Variants in PLET1 observed in about 807,000 individuals in gnomAD.
The protein encoded by PLET1 is placenta expressed transcript 1, also known as placenta-expressed transcript 1 protein.
In PLET1, 20 loss-of-function variants were observed where a neutral mutation model predicts 18.5. The ratio of observed to expected loss-of-function variants is 1.08; its 90% CI spans 0.76 to 1.57. PLET1 has a LOEUF of 1.57. Among genes scored for constraint, PLET1 ranks in the 40% most tolerant of loss-of-function variants. The pLI is 0.00. For synonymous variants in PLET1, 93 were observed against 93.8 expected, an observed-to-expected ratio of 0.99 and a Z score of 0.05; for missense variants, 256 against 246.4, an observed-to-expected ratio of 1.04 and a Z score of -0.26.
intron 2 of PLET1, 26 bp from the exon 3 acceptor site, chr11:112,252,435 T>G (rs1030967247): frequency 5.7e-5 from 88 of 1,543,926 alleles, no homozygotes; most frequent in African/African-American, 2.1e-4. Context: ...CAATGAGAGA[T>G]AATGCTGAGG....
chr11:112,253,206 G>A (rs568640574), intron 2 of PLET1, among the ~76,000 whole-genome samples: 2 of 152,240 alleles, frequency 1.3e-5, no homozygotes, highest in South Asian at 4.1e-4. Context: ...TTTGATTTGG[G>A]AGTTCAGGGA....
Position 112,254,406 on chromosome 11 carries a change from C to A in PLET1, c.386+982G>T, listed in dbSNP as rs58408817. Among the ~76,000 whole-genome samples, 2 of 148,678 alleles carry A rather than the reference C, an allele frequency of 1.3e-5. 1 individual carries two copies. The highest frequency in any genetic ancestry group is 1.3e-4 in the Admixed American group (2 of 15,018). On this transcript the variant is annotated intron_variant, in intron 2 of 3. Coordinates refer to ENST00000338832, the MANE Select transcript of PLET1 (RefSeq NM_001145024.1). Reference sequence around the variant, plus strand: ...TGGGGTGTGTGTGTGGTACCTCTATCGTGTGTGTATGGTATGTACGTGTGT... The same window carrying A: ...TGGGGTGTGTGTGTGGTACCTCTATAGTGTGTGTATGGTATGTACGTGTGT...
chr11:112,251,494 GAACCCGGGAGGCAGAAGTTGCAGTGA>G (rs1013349568), intron 3 of PLET1, among the ~76,000 whole-genome samples: 4 of 152,204 alleles, frequency 2.6e-5, no homozygotes, highest in Non-Finnish European at 5.9e-5. Context: ...TGAGGCAGGA[GAACCCGGGAGGCAGAAGTTGCAGTGA>G]GCTGAGATCG....
intron 3 of PLET1, among the ~76,000 whole-genome samples, chr11:112,249,256 T>G (rs1428261867): frequency 6.6e-6 from 1 of 152,216 alleles, no homozygotes; most frequent in Non-Finnish European, 1.5e-5. Context: ...CTATTGAATT[T>G]ATACAACTGC....
At chr11:112,255,363 A>T in intron 2 of PLET1, 25 bp downstream of exon 2, 1 of 1,550,772 alleles carries the variant, frequency 6.4e-7, no homozygotes, top group Non-Finnish European at 8.7e-7. Context: ...TTTAAAGCCC[A>T]AAGCAAAGCA....
At position 112,248,832 on chromosome 11, in the gene PLET1, C is replaced by G; in HGVS notation, c.591G>C (p.Leu197=). 1 of 1,551,510 alleles carries G rather than the reference C, an allele frequency of 6.4e-7. No individual in the cohort carries two copies. The highest frequency in any genetic ancestry group is 2.4e-5 in the East Asian group (1 of 40,910). ...GAAGTGTGCTGGTGAGAAAAGCAAGCAGGATATAAATGGCCTCTGTGATGG... is the reference window on the plus strand; with the variant it reads ...GAAGTGTGCTGGTGAGAAAAGCAAGGAGGATATAAATGGCCTCTGTGATGG... ...SSPITEAIYI[L]LAFLTSTLLF Residue 197 remains leucine, a synonymous_variant, in exon 4 of 4, where the codon CTG becomes CTC. Transcript: ENST00000338832.
At position 112,257,621 on chromosome 11, in the gene PLET1, A is replaced by T. The variant is rs575231318; in HGVS notation, c.185-2032T>A. The stretch of plus-strand genomic sequence containing the variant: ...CTTGCCCATAGAAGTTTTTTTTTTT[A>T]AAAAGGCAGATCCTTGCTCAGCACA... On this transcript the variant is annotated intron_variant, in intron 1 of 3. Transcript: ENST00000338832. Among the ~76,000 whole-genome samples the T allele has an allele frequency of 5.2e-3, 785 of 151,392 alleles. 6 individuals are homozygous for T. Among genetic ancestry groups the T allele is most frequent in the African/African-American group, 0.018 (742 of 41,342 alleles).
intron 2 of PLET1, among the ~76,000 whole-genome samples, chr11:112,253,377 C>T (rs1860178970): frequency 6.6e-6 from 1 of 152,108 alleles, no homozygotes; most frequent in African/African-American, 2.4e-5. Flanking sequence ...TTCTGCATTC[C>T]TCATAATATG....
intron 3 of PLET1, among the ~76,000 whole-genome samples, chr11:112,249,524 G>A (rs1860133403): frequency 6.6e-6 from 1 of 152,140 alleles, no homozygotes; most frequent in Non-Finnish European, 1.5e-5. Flanking sequence ...TATATGAAGG[G>A]ACCTGATCAC....
At chr11:112,250,414 C>T (rs74330060) in intron 3 of PLET1, among the ~76,000 whole-genome samples, 4,121 of 152,004 alleles carry the variant, frequency 0.027, 118 homozygotes, top group African/African-American at 0.078. Flanking sequence ...AACAAGGACA[C>T]ACTCCTGTAA....
At chr11:112,257,936 G>C (rs1313802406) in intron 1 of PLET1, among the ~76,000 whole-genome samples, 1 of 152,202 alleles carries the variant, frequency 6.6e-6, no homozygotes, top group Non-Finnish European at 1.5e-5. Flanking sequence ...GTAACCACGG[G>C]TGTGGGATCT....
At chr11:112,254,190 G>GGTTGT (rs1555199635) in intron 2 of PLET1, among the ~76,000 whole-genome samples, 3 of 141,174 alleles carry the variant, frequency 2.1e-5, no homozygotes, top group South Asian at 2.3e-4. Flanking sequence ...GAGCATAAGT[G>GGTTGT]GTGTGTGTGT....
intron 2 of PLET1, among the ~76,000 whole-genome samples, 176 bp downstream of exon 2, chr11:112,255,212 C>T (rs1442094245): frequency 6.7e-6 from 1 of 149,888 alleles, no homozygotes; most frequent in African/African-American, 2.4e-5. Flanking sequence ...TGTGTGTCTG[C>T]AAGCGCCTAT....
intron 1 of PLET1, among the ~76,000 whole-genome samples, chr11:112,258,907 C>G (rs982924271): frequency 2.0e-5 from 3 of 152,186 alleles, no homozygotes; most frequent in South Asian, 4.1e-4. Flanking sequence ...TGTTCACCTG[C>G]TGAAGTCTGA....
At chr11:112,251,330 TC>T (rs1860153159) in intron 3 of PLET1, among the ~76,000 whole-genome samples, 1 of 150,874 alleles carries the variant, frequency 6.6e-6, no homozygotes, top group African/African-American at 2.4e-5. Context: ...ACGCATGTAA[TC>T]CCAGTGCTTT....
chr11:112,250,557 G>A (rs536099490), intron 3 of PLET1, among the ~76,000 whole-genome samples: 1 of 152,114 alleles, frequency 6.6e-6, no homozygotes, highest in Non-Finnish European at 1.5e-5. Context: ...AATAAATTTT[G>A]TCATGCTGTC....
At chr11:112,251,085 G>A (rs1860150209) in intron 3 of PLET1, among the ~76,000 whole-genome samples, 1 of 152,116 alleles carries the variant, frequency 6.6e-6, no homozygotes, top group African/African-American at 2.4e-5. Flanking sequence ...AAAGGCTAAT[G>A]TTTCTTGTTC....
chr11:112,256,846 AGTC>A (rs1287403527), intron 1 of PLET1, among the ~76,000 whole-genome samples: 1 of 152,244 alleles, frequency 6.6e-6, no homozygotes, highest in Non-Finnish European at 1.5e-5. Context: ...TCATGCAGAT[AGTC>A]GTCAGTGTCA....
chr11:112,253,108 T>A (rs1860172286), intron 2 of PLET1, among the ~76,000 whole-genome samples: 1 of 152,156 alleles, frequency 6.6e-6, no homozygotes, highest in African/African-American at 2.4e-5. Flanking sequence ...TTAAACAGAT[T>A]ATCAATTACC....
Sources: gnomAD v4.1 joint callset for allele counts (sites outside exome capture counted in the v4.1 genomes callset) on GRCh38, gnomAD v4.1.1 for gene constraint, MANE v1.5 for transcripts, NCBI Gene and HGNC (gene_info 2026-07-23, HGNC 2026-07-21) for gene names.